NLRC5: variants seen among roughly 807,000 people sequenced by gnomAD.
NLRC5 encodes the protein protein NLRC5.
Under a neutral mutation model 206.9 loss-of-function variants are expected in NLRC5, and 114 were observed. The ratio of observed to expected loss-of-function variants is 0.55; its 90% CI spans 0.47 to 0.64. The LOEUF is 0.64. NLRC5 is among the 30% of genes least tolerant of loss of function. The probability of loss-of-function intolerance (pLI) is 0.00; values close to 1 mark genes in which losing one functional copy is unlikely to be tolerated. For missense variants in NLRC5, 2,008 were observed against 2,305.5 expected (o/e 0.87, Z 2.64); for synonymous variants, 952 against 962.8 (o/e 0.99, Z 0.21).
chr16:57,041,717 G>A, intron 18 of NLRC5, 143 bp downstream of exon 18: 1 of 713,824 alleles, frequency 1.4e-6, no homozygotes, highest in Non-Finnish European at 2.4e-6. Context: ...TCTGGTGAAA[G>A]TTGTGACTCT....
rs956726759 is a variant in NLRC5 at position 57,049,067 on chromosome 16, C to T, written c.3422+1439C>T. Reference sequence around the variant, plus strand: ...AAGAAGAAAAAGAATTGTCTTGGGCCACACATAAAATACACTAACACTAGC... The same window carrying T: ...AAGAAGAAAAAGAATTGTCTTGGGCTACACATAAAATACACTAACACTAGC... On this transcript the variant is annotated intron_variant, in intron 23 of 48. Transcript: ENST00000688547. 9.2e-5 allele frequency among the ~76,000 whole-genome samples: 14 copies of T among 151,570 alleles called. 1 individual carries two copies. The highest frequency in any genetic ancestry group is 1.5e-4 in the African/African-American group (6 of 41,232).
Position 57,037,091 on chromosome 16 carries a change from G to A in NLRC5, c.2712-104G>A, listed in dbSNP as rs73546837. 4,264 of 931,776 alleles carry A rather than the reference G, an allele frequency of 4.6e-3. 127 individuals carry two copies. The African/African-American group carries it at 0.06, about 13-fold the overall frequency. 57.7% of individuals were successfully genotyped at this position (931,776 alleles called of 1,614,324 possible). A position where few individuals can be genotyped will look rare whatever the true frequency, so the allele number is the denominator to read the frequency against. On this transcript the variant is annotated intron_variant, in intron 14 of 48. Transcript: ENST00000688547. ...CTGGCAAGGGACCTAGGACATCCAG[G>A]AGTGACAGCCAGCAAGCTGCTGAGC...
chr16:57,030,396 ATGGATGGATGGATGGC>A (rs1567563715), intron 10 of NLRC5, among the ~76,000 whole-genome samples: 9 of 145,856 alleles, frequency 6.2e-5, no homozygotes, highest in African/African-American at 2.0e-4. Context: ...GGATGGATGG[ATGGATGGATGGATGGC>A]TGAAAAGATG....
Position 57,034,275 on chromosome 16 carries a change from C to A in NLRC5, c.2627+24C>A, listed in dbSNP as rs770061770. ...GAGTGAGTATCACGGGAAGCCCTGG[C>A]GTAGGAGCCAGGAAAGGAGGTTGGA... On this transcript the variant is annotated intron_variant, in intron 13 of 48. Coordinates refer to ENST00000688547, the MANE Select transcript of NLRC5 (RefSeq NM_001384950.1). 2.7e-6 allele frequency: 4 copies of A among 1,498,736 alleles called. No homozygotes were observed. In the East Asian group the frequency reaches 8.5e-5, roughly 32 times the overall value. 92.8% of individuals were successfully genotyped at this position (1,498,736 alleles called of 1,614,324 possible).
At chr16:57,023,993 G>A (rs945797057) in intron 5 of NLRC5, 140 bp downstream of exon 5, 1 of 790,492 alleles carries the variant, frequency 1.3e-6, no homozygotes, top group Non-Finnish European at 2.0e-6. Context: ...CAGGAGAAAA[G>A]GACTGGAGGT....
At chr16:57,059,321 G>C in intron 29 of NLRC5, 146 bp from the exon 30 acceptor site, 1 of 1,470,418 alleles carries the variant, frequency 6.8e-7, no homozygotes, top group Non-Finnish European at 9.0e-7. Context: ...ATGAGTTTGG[G>C]GGTCTCCTCT....
Position 57,034,417 on chromosome 16 carries a change from C to T in NLRC5, c.2627+166C>T, listed in dbSNP as rs112644054. The T allele has an allele frequency of 1.3e-3, 785 of 618,056 alleles. 7 individuals are homozygous for T. The highest frequency in any genetic ancestry group is 0.011 in the African/African-American group (612 of 54,712). The allele number at this position is 618,056 out of a possible 1,614,324, so 38.3% of individuals were successfully genotyped here. On this transcript the variant is annotated intron_variant, in intron 13 of 48. Transcript: ENST00000688547. Reference sequence around the variant, plus strand: ...AGCTGCTACTATTCAGCACTTGTCCCGGGTCAGGTGCTGTGCTAGGGACTG... The same window carrying T: ...AGCTGCTACTATTCAGCACTTGTCCTGGGTCAGGTGCTGTGCTAGGGACTG...
At chr16:57,005,747 C>T (rs1314684487) in intron 1 of NLRC5, among the ~76,000 whole-genome samples, 1 of 151,848 alleles carries the variant, frequency 6.6e-6, no homozygotes, top group Non-Finnish European at 1.5e-5. Context: ...GGCAAAACCC[C>T]ATCTCTGCAA....
chr16:57,081,852 G>A (rs1284318143), intron 48 of NLRC5, among the ~76,000 whole-genome samples: 1 of 152,228 alleles, frequency 6.6e-6, no homozygotes, highest in Non-Finnish European at 1.5e-5. Context: ...TCTCATCTGT[G>A]AAATGGGGAT....
chr16:57,051,553 C>T lies in NLRC5; in HGVS notation c.3438C>T (p.Phe1146=), dbSNP rs79541588. Reference sequence around the variant, plus strand: ...TGTTTCACAGATTGTCCTGTGAGTTCCTGAGTGACCAGAGCCTGGAGACTC... The same window carrying T: ...TGTTTCACAGATTGTCCTGTGAGTTTCTGAGTGACCAGAGCCTGGAGACTC... ...GPLELQLSCE[F]LSDQSLETLL... is the part of the protein sequence containing the mutation. The change falls in exon 24 of 49, where the codon TTC becomes TTT. Residue 1146 remains phenylalanine (F), a synonymous_variant. Coordinates refer to ENST00000688547, the MANE Select transcript of NLRC5 (RefSeq NM_001384950.1). The T allele has an allele frequency of 0.027, 43,888 of 1,613,798 alleles. 3,546 individuals carry two copies. The highest frequency in any genetic ancestry group is 0.25 in the East Asian group (10,989 of 44,838).
chr16:57,010,949 AG>A (rs1166262939), intron 1 of NLRC5, among the ~76,000 whole-genome samples: 1 of 152,184 alleles, frequency 6.6e-6, no homozygotes, highest in Non-Finnish European at 1.5e-5. Flanking sequence ...AATGGTTCAA[AG>A]GGTCCTAAAA....
intron 46 of NLRC5, 144 bp from the exon 47 acceptor site, chr16:57,080,954 G>A: frequency 1.6e-6 from 1 of 641,980 alleles, no homozygotes; most frequent in Non-Finnish European, 2.7e-6. Flanking sequence ...TTCAGGGGAG[G>A]ACACACAAGC....
intron 1 of NLRC5, among the ~76,000 whole-genome samples, chr16:57,015,791 G>A (rs968003768): frequency 6.6e-6 from 1 of 151,478 alleles, no homozygotes; most frequent in Admixed American, 6.6e-5. Flanking sequence ...GCCGGGTGTA[G>A]TGGCACATGC....
intron 21 of NLRC5, 73 bp downstream of exon 21, chr16:57,045,565 C>T: frequency 6.8e-7 from 1 of 1,463,942 alleles, no homozygotes; most frequent in Middle Eastern, 2.3e-4. Flanking sequence ...TCCCCCCACC[C>T]CCAGACCCAT....
intron 11 of NLRC5, among the ~76,000 whole-genome samples, chr16:57,032,118 G>A (rs12447374): frequency 6.6e-6 from 1 of 152,104 alleles, no homozygotes; most frequent in Admixed American, 6.6e-5. Flanking sequence ...TGGTAGTGTA[G>A]GACCAATGTT....
In NLRC5 at chr16:57,074,589, C is replaced by T; in HGVS notation, c.4668-11C>T. On this transcript the variant is annotated splice_polypyrimidine_tract_variant and intron_variant, in intron 38 of 48. Transcript: ENST00000688547. Reference sequence around the variant, plus strand: ...CCAGATGTCAAGTTCACCTGGCCTCCTCTTCTCCAGCCTCAGTCACCTTCT... The same window carrying T: ...CCAGATGTCAAGTTCACCTGGCCTCTTCTTCTCCAGCCTCAGTCACCTTCT... The T allele has an allele frequency of 6.2e-7, 1 of 1,613,644 alleles. No homozygotes were observed. Among genetic ancestry groups the T allele is most frequent in the East Asian group, 2.2e-5 (1 of 44,878 alleles).
intron 24 of NLRC5, chr16:57,053,128 G>T (rs1479065822): frequency 6.6e-6 from 1 of 152,216 alleles, no homozygotes; most frequent in African/African-American, 2.4e-5. Context: ...AATCAAATAA[G>T]ATGAACTTAG....
intron 35 of NLRC5, 65 bp downstream of exon 35, chr16:57,067,535 GC>G: frequency 2.0e-6 from 3 of 1,506,054 alleles, no homozygotes; most frequent in Non-Finnish European, 2.8e-6. Flanking sequence ...CCTACTCCAG[GC>G]CATGTGTGAC....
In NLRC5 at chr16:57,025,713, T is replaced by A; in HGVS notation, c.770T>A (p.Phe257Tyr). ...EGHLNCFQAL[F>Y]LFEFRQLNLI... is the part of the protein sequence containing the mutation. ...CATCTGAACTGTTTCCAGGCCCTGT[T>A]CCTTTTTGAATTCCGCCAGCTCAAC... Residue 257 changes from phenylalanine to tyrosine, a missense_variant, in exon 6 of 49, where the codon TTC (phenylalanine) becomes TAC (tyrosine). By Grantham distance (22) the Phe-to-Tyr change is conservative. Coordinates refer to ENST00000688547, the MANE Select transcript of NLRC5 (RefSeq NM_001384950.1). 2 of 1,614,202 alleles carry A rather than the reference T, an allele frequency of 1.2e-6. No homozygotes were observed. The highest frequency in any genetic ancestry group is 1.7e-6 in the Non-Finnish European group (2 of 1,180,032).
Sources: allele counts gnomAD v4.1 joint callset (sites outside exome capture counted in the v4.1 genomes callset), GRCh38; gene constraint gnomAD v4.1.1; transcripts MANE v1.5; gene names NCBI Gene and HGNC (gene_info 2026-07-23, HGNC 2026-07-21).